GFPT1: variants seen among roughly 807,000 people sequenced by gnomAD.
The protein encoded by GFPT1 is glutamine--fructose-6-phosphate aminotransferase [isomerizing] 1.
In GFPT1, 40 loss-of-function variants were observed where a neutral mutation model predicts 92.0. The ratio of observed to expected loss-of-function variants is 0.43; its 90% CI spans 0.34 to 0.57. The LOEUF (loss-of-function observed/expected upper bound fraction) is 0.57. Ranked by LOEUF, GFPT1 falls within the 20% of genes least tolerant of loss-of-function variation. The pLI is 0.02. For missense variants in GFPT1, 448 were observed against 869.1 expected (o/e 0.52, Z 6.09); for synonymous variants, 269 against 280.6 (o/e 0.96, Z 0.41).
At chr2:69,346,434 T>A (rs1182646753) in intron 11 of GFPT1, among the ~76,000 whole-genome samples, 1 of 152,044 alleles carries the variant, frequency 6.6e-6, no homozygotes, top group Non-Finnish European at 1.5e-5. Context: ...GAGACAAGGT[T>A]TCACCATACT....
Position 69,328,329 on chromosome 2 carries a change from A to G in GFPT1, c.1835T>C (p.Met612Thr). The change falls in exon 18 of 20, where the codon ATG (methionine) becomes ACG (threonine). Residue 612 changes from methionine to threonine, a missense_variant. This residue lies in a region of GFPT1 where 5 missense variants were observed against 46.8 expected (regional missense o/e 0.11). Coordinates refer to ENST00000357308, the MANE Select transcript of GFPT1 (RefSeq NM_001244710.2). ...DKLMPVIMII[M>T]RDHTYAKCQN... ...ACACTTGGCATAAGTGTGATCTCTC[A>G]TGATGATCATGATCACAGGCATCAA... is the stretch of plus-strand genomic sequence containing the variant. 6.2e-7 allele frequency: 1 copy of G among 1,613,012 alleles called. No homozygotes were observed. The highest frequency in any genetic ancestry group is 2.2e-5 in the East Asian group (1 of 44,880).
At chr2:69,340,296 G>C (rs902875824) in intron 13 of GFPT1, among the ~76,000 whole-genome samples, 2 of 151,762 alleles carry the variant, frequency 1.3e-5, no homozygotes, top group Admixed American at 6.6e-5. Flanking sequence ...CGAGGAGCTG[G>C]AACTATAGGC....
rs1160506786 is a variant in GFPT1 at position 69,321,554 on chromosome 2, G to A, written c.*4635C>T. The A allele has an allele frequency of 6.6e-6, 1 of 152,148 alleles. No individual in the cohort carries two copies. The highest frequency in any genetic ancestry group is 1.5e-5 in the Non-Finnish European group (1 of 68,038). The allele number at this position is 152,148 out of a possible 1,614,324, so 9.4% of individuals were successfully genotyped here. On this transcript the variant is annotated 3_prime_UTR_variant, in exon 20 of 20. Transcript: ENST00000357308. ...TTTTTGGTAATTTATTCACAGTTCA[G>A]GCTTACTCACTGGACTTAACGACAT...
rs1326269519 is a variant in GFPT1, at chr2:69,348,339, A to G, written c.846-5T>C. ...TTGGTGTGTTCTATGACAGCACTAT[A>G]AAGTTTTCAAGGAGATATTACAATC... On this transcript the variant is annotated splice_region_variant and splice_polypyrimidine_tract_variant and intron_variant, in intron 10 of 19. Coordinates refer to ENST00000357308, the MANE Select transcript of GFPT1 (RefSeq NM_001244710.2). 7 of 1,606,232 alleles carry G rather than the reference A, an allele frequency of 4.4e-6. No individual in the cohort carries two copies. In the African/African-American group the frequency reaches 8.0e-5, roughly 18 times the overall value.
chr2:69,346,003 T>C lies in GFPT1; in HGVS notation c.1010-4A>G. On this transcript the variant is annotated splice_polypyrimidine_tract_variant and splice_region_variant and intron_variant, in intron 11 of 19. Coordinates refer to ENST00000357308, the MANE Select transcript of GFPT1 (RefSeq NM_001244710.2). ...TGCATAAATGAACTGAAGTTGCCTA[T>C]AGTAATAGAAATCACATAATTAAAA... is the stretch of plus-strand genomic sequence containing the variant. The C allele has an allele frequency of 6.6e-7, 1 of 1,515,872 alleles. No homozygotes were observed. Among genetic ancestry groups the C allele is most frequent in the South Asian group, 1.1e-5 (1 of 89,016 alleles). 93.9% of individuals were successfully genotyped at this position (1,515,872 alleles called of 1,614,324 possible). A position where few individuals can be genotyped will look rare whatever the true frequency, so the allele number is the denominator to read the frequency against.
intron 12 of GFPT1, among the ~76,000 whole-genome samples, chr2:69,344,071 T>C (rs1388331309): frequency 6.6e-6 from 1 of 150,538 alleles, no homozygotes; most frequent in Non-Finnish European, 1.5e-5. Context: ...TACCTCTGCC[T>C]ACAGTGTTTT....
At chr2:69,356,350 G>A in intron 7 of GFPT1, 146 bp downstream of exon 7, 1 of 721,892 alleles carries the variant, frequency 1.4e-6, no homozygotes, top group South Asian at 1.5e-5. Flanking sequence ...CAACAGACAA[G>A]AAGGAAGATG....
chr2:69,352,706 TA>T (rs1671241127), intron 9 of GFPT1, among the ~76,000 whole-genome samples: 1 of 151,356 alleles, frequency 6.6e-6, no homozygotes, highest in African/African-American at 2.4e-5. Context: ...CAAATATTGA[TA>T]ATTTCATTCT....
At chr2:69,348,404 G>GT in intron 10 of GFPT1, 70 bp from the exon 11 acceptor site, 3 of 1,256,646 alleles carry the variant, frequency 2.4e-6, no homozygotes, top group Non-Finnish European at 3.5e-6. Flanking sequence ...ACTATCATTT[G>GT]GATACAAGAA....
chr2:69,360,638 T>C (rs1421074613), intron 4 of GFPT1, among the ~76,000 whole-genome samples: 1 of 152,110 alleles, frequency 6.6e-6, no homozygotes, highest in Non-Finnish European at 1.5e-5. Context: ...AGTCTCGCTA[T>C]GTTGCCCAGG....
At chr2:69,379,484 A>G (rs1387361211) in intron 1 of GFPT1, among the ~76,000 whole-genome samples, 1 of 152,176 alleles carries the variant, frequency 6.6e-6, no homozygotes, top group Non-Finnish European at 1.5e-5. Context: ...TATTATAATT[A>G]TGGAATCACA....
intron 9 of GFPT1, among the ~76,000 whole-genome samples, chr2:69,350,954 T>C (rs1293162370): frequency 6.6e-6 from 1 of 151,006 alleles, no homozygotes; most frequent in Admixed American, 6.6e-5. Flanking sequence ...GGCAAATTAA[T>C]TTTTATTGTA....
chr2:69,359,136 G>T, intron 5 of GFPT1, 132 bp downstream of exon 5: 1 of 689,452 alleles, frequency 1.5e-6, no homozygotes, highest in Non-Finnish European at 2.7e-6. Flanking sequence ...AAACCACCGT[G>T]CCCTTGGAAT....
chr2:69,377,694 C>T (rs866020359), intron 1 of GFPT1, among the ~76,000 whole-genome samples: 10 of 151,980 alleles, frequency 6.6e-5, no homozygotes, highest in African/African-American at 2.4e-4. Flanking sequence ...AAAAAAGTAA[C>T]AGAGCTAGAA....
At chr2:69,378,576 AT>A (rs1671935670) in intron 1 of GFPT1, among the ~76,000 whole-genome samples, 2 of 152,248 alleles carry the variant, frequency 1.3e-5, no homozygotes, top group Non-Finnish European at 2.9e-5. Flanking sequence ...CAAAAAAGCA[AT>A]TATGAGCACC....
intron 15 of GFPT1, among the ~76,000 whole-genome samples, chr2:69,331,115 G>C (rs1670652772): frequency 6.6e-6 from 1 of 152,128 alleles, no homozygotes; most frequent in Non-Finnish European, 1.5e-5. Context: ...ATGTGACTGT[G>C]AGATGTGCCT....
Position 69,324,690 on chromosome 2 carries a change from A to T in GFPT1, c.*1499T>A, listed in dbSNP as rs931022311. The stretch of plus-strand genomic sequence containing the variant: ...AAGTTAAAACAAGAAAAGAAAGAAA[A>T]GAAAGGAAAAAACAGCTTACTTAAA... On this transcript the variant is annotated 3_prime_UTR_variant, in exon 20 of 20. Coordinates refer to ENST00000357308, the MANE Select transcript of GFPT1 (RefSeq NM_001244710.2). 1 of 152,192 alleles carries T rather than the reference A, an allele frequency of 6.6e-6. No homozygotes were observed. Among genetic ancestry groups the T allele is most frequent in the Admixed American group, 6.5e-5 (1 of 15,268 alleles). The allele number at this position is 152,192 out of a possible 1,614,324, so 9.4% of individuals were successfully genotyped here. A position where few individuals can be genotyped will look rare whatever the true frequency, so the allele number is the denominator to read the frequency against.
chr2:69,379,625 C>T (rs1243286957), intron 1 of GFPT1, among the ~76,000 whole-genome samples: 1 of 152,028 alleles, frequency 6.6e-6, no homozygotes, highest in African/African-American at 2.4e-5. Flanking sequence ...AAAACCACCA[C>T]CTCCTGGACT....
At chr2:69,341,689 T>C (rs1369645038) in intron 13 of GFPT1, among the ~76,000 whole-genome samples, 2 of 152,118 alleles carry the variant, frequency 1.3e-5, no homozygotes, top group Admixed American at 1.3e-4. Context: ...AAAAGAACAA[T>C]TTAAAGAATA....
Sources: gnomAD v4.1 joint callset for allele counts (sites outside exome capture counted in the v4.1 genomes callset) on GRCh38, gnomAD v4.1.1 for gene constraint, gnomAD v4.1.1 regional missense constraint, MANE v1.5 for transcripts, NCBI Gene and HGNC (gene_info 2026-07-23, HGNC 2026-07-21) for gene names.